Variants in DTX2 observed in about 807,000 individuals in gnomAD.
The protein encoded by DTX2 is probable E3 ubiquitin-protein ligase DTX2.
Under a neutral mutation model 55.3 loss-of-function variants are expected in DTX2, and 29 were observed. The ratio of observed to expected loss-of-function variants is 0.52; its 90% CI spans 0.39 to 0.71. The LOEUF (loss-of-function observed/expected upper bound fraction) is 0.71. DTX2 is among the 30% of genes least tolerant of loss of function. DTX2 has a pLI of 0.00. For synonymous variants in DTX2, 276 were observed against 340.4 expected, an observed-to-expected ratio of 0.81 and a Z score of 2.08; for missense variants, 537 against 822.5, an observed-to-expected ratio of 0.65 and a Z score of 4.25.
rs779455693 is a variant in DTX2 at position 76,503,433 on chromosome 7, G to A, written c.1397G>A (p.Ser466Asn). ...AMYCNGNKDG[S>N]LQCPSCKTIY... ...TGCGTCTGCCTCTGTCAGGATGGAAGTCTGCAGTGTCCCTCCTGCAAAACC... is the reference window on the plus strand; with the variant it reads ...TGCGTCTGCCTCTGTCAGGATGGAAATCTGCAGTGTCCCTCCTGCAAAACC... The change falls in exon 9 of 11, where the codon AGT becomes AAT. Residue 466 changes from serine to asparagine, a missense_variant. Transcript: ENST00000430490. The A allele has an allele frequency of 3.7e-6, 6 of 1,612,468 alleles. No homozygotes were observed. The highest frequency in any genetic ancestry group is 5.1e-6 in the Non-Finnish European group (6 of 1,179,822).
rs767019386 is a variant in DTX2 at position 76,503,402 on chromosome 7, G to C, written c.1390-24G>C. 13 of 1,608,466 alleles carry C rather than the reference G, an allele frequency of 8.1e-6. No homozygotes were observed. In the South Asian group the frequency reaches 1.4e-4, roughly 18 times the overall value. ...TGGGTGTTCTCAGACTGCCAGCTCA[G>C]TGGGTTGCGTCTGCCTCTGTCAGGA... On this transcript the variant is annotated intron_variant, in intron 8 of 10. Transcript: ENST00000430490.
chr7:76,471,392 A>G (rs1259650933), intron 2 of DTX2, among the ~76,000 whole-genome samples: 18 of 149,108 alleles, frequency 1.2e-4, no homozygotes, highest in African/African-American at 4.5e-4. Context: ...CGATCTCCTG[A>G]CCTCGTGATC....
At position 76,505,308 on chromosome 7, in the gene DTX2, C is replaced by T; in HGVS notation, c.1642-66C>T. On this transcript the variant is annotated intron_variant, in intron 10 of 10. Coordinates refer to ENST00000430490, the MANE Select transcript of DTX2 (RefSeq NM_001102594.3). This position sits in a 1 kb window ranked among gnomAD's most constrained non-coding sequence, Gnocchi z 4.4. Reference sequence around the variant, plus strand: ...GGAAGAACATGGTGCCAACCCGTGCCTGCTCACTGAGCCCCTCTCACTCTC... The same window carrying T: ...GGAAGAACATGGTGCCAACCCGTGCTTGCTCACTGAGCCCCTCTCACTCTC... 7.4e-7 allele frequency: 1 copy of T among 1,352,034 alleles called. No individual in the cohort carries two copies. Among genetic ancestry groups the T allele is most frequent in the East Asian group, 2.5e-5 (1 of 39,794 alleles). 83.8% of individuals were successfully genotyped at this position (1,352,034 alleles called of 1,614,324 possible). A position where few individuals can be genotyped will look rare whatever the true frequency, so the allele number is the denominator to read the frequency against.
At chr7:76,482,170 G>A (rs903465130) in intron 3 of DTX2, among the ~76,000 whole-genome samples, 2 of 151,364 alleles carry the variant, frequency 1.3e-5, no homozygotes, top group African/African-American at 4.9e-5. Context: ...AGTGTTAATC[G>A]GGGAATGAAA....
At chr7:76,481,574 T>TG (rs2116377040) in intron 3 of DTX2, among the ~76,000 whole-genome samples, 1 of 151,848 alleles carries the variant, frequency 6.6e-6, no homozygotes, top group African/African-American at 2.4e-5. Context: ...TGGTTGTCAC[T>TG]GGGGGTGATT....
chr7:76,483,044 G>T lies in DTX2; in HGVS notation c.805G>T (p.Ala269Ser), dbSNP rs559156215. Residue 269 changes from alanine (A) to serine (S), a missense_variant, in exon 4 of 11, where the codon GCA becomes TCA. This residue lies in a region of DTX2 where 301 missense variants were observed against 396.6 expected (regional missense o/e 0.76). Coordinates refer to ENST00000430490, the MANE Select transcript of DTX2 (RefSeq NM_001102594.3). The stretch of plus-strand genomic sequence containing the variant: ...GCTGAACACCACCAACGCCTGGGGC[G>T]CAGCTCCTCCTTCCCTGGGGAGCCA... ...PRLNTTNAWG[A>S]APPSLGSQPL... is the part of the protein sequence containing the mutation. 6.2e-7 allele frequency: 1 copy of T among 1,613,398 alleles called. No individual in the cohort carries two copies. Among genetic ancestry groups the T allele is most frequent in the South Asian group, 1.1e-5 (1 of 91,040 alleles).
At chr7:76,468,186 T>C (rs1013580149) in intron 2 of DTX2, among the ~76,000 whole-genome samples, 5 of 152,272 alleles carry the variant, frequency 3.3e-5, no homozygotes, top group African/African-American at 1.2e-4. Flanking sequence ...GCGGGTGCTG[T>C]TGGCATGCTG....
intron 7 of DTX2, chr7:76,501,428 G>A (rs1303368433): frequency 7.1e-5 from 25 of 352,480 alleles, no homozygotes; most frequent in Admixed American, 1.5e-4. Context: ...TGACTGGGCC[G>A]TTTCACCCCA....
chr7:76,504,860 G>T (rs1812165772), intron 10 of DTX2, among the ~76,000 whole-genome samples: 1 of 152,078 alleles, frequency 6.6e-6, no homozygotes, highest in Non-Finnish European at 1.5e-5. Context: ...TGGTGTGGGT[G>T]TGAAGACAGG....
intron 2 of DTX2, among the ~76,000 whole-genome samples, chr7:76,467,320 G>GC (rs1364964941): frequency 7.8e-6 from 1 of 128,802 alleles, no homozygotes; most frequent in African/African-American, 3.0e-5. Flanking sequence ...TTTGCTGTTG[G>GC]CCAAGTGAAT....
intron 2 of DTX2, chr7:76,474,549 A>C (rs1808334067): frequency 1.3e-5 from 2 of 152,184 alleles, no homozygotes. Flanking sequence ...TGAGGATTGA[A>C]GGATTAGTTG....
At chr7:76,463,171 G>C (rs1439757313) in intron 1 of DTX2, among the ~76,000 whole-genome samples, 1 of 149,966 alleles carries the variant, frequency 6.7e-6, no homozygotes, top group African/African-American at 2.5e-5. Context: ...CCAGCTACTC[G>C]GGAAGCTGAG....
Position 76,466,413 on chromosome 7 carries a change from C to CTT in DTX2, c.-90+2713_-90+2714dup, listed in dbSNP as rs61026525. On this transcript the variant is annotated intron_variant, in intron 2 of 10. Transcript: ENST00000430490. ...CATGAAACAAAAGTATATATCTAAT[C>CTT]TTTTTTTTTTAATTTTAAAAAACTT... Among the ~76,000 whole-genome samples the CTT allele has an allele frequency of 1.2e-4, 16 of 138,330 alleles. No homozygotes were observed. In the South Asian group the frequency reaches 1.2e-3, roughly 10 times the overall value. The allele number at this position is 138,330 out of a possible 152,430, so 90.7% of individuals were successfully genotyped here.
Position 76,505,655 on chromosome 7 carries a change from G to A in DTX2, c.*54G>A. ...TGGCCACCCCGCTGCCCCATGGCTG[G>A]CTGGGTGGCCAGGCAGGAAGTGCCC... is the stretch of plus-strand genomic sequence containing the variant. On this transcript the variant is annotated 3_prime_UTR_variant, in exon 11 of 11. Coordinates refer to ENST00000430490, the MANE Select transcript of DTX2 (RefSeq NM_001102594.3). This position sits in a 1 kb window ranked among gnomAD's most constrained non-coding sequence, Gnocchi z 4.4. 2.0e-6 allele frequency: 3 copies of A among 1,515,664 alleles called. No homozygotes were observed. Among genetic ancestry groups the A allele is most frequent in the Non-Finnish European group, 2.7e-6 (3 of 1,130,604 alleles). 93.9% of individuals were successfully genotyped at this position (1,515,664 alleles called of 1,614,324 possible).
intron 2 of DTX2, among the ~76,000 whole-genome samples, chr7:76,472,857 TAG>T (rs1266781372): frequency 6.6e-6 from 1 of 152,262 alleles, no homozygotes; most frequent in East Asian, 1.9e-4. Context: ...TTTTATGTAA[TAG>T]AGACAGTGCT....
intron 2 of DTX2, among the ~76,000 whole-genome samples, chr7:76,471,751 G>T (rs1156452885): frequency 6.6e-6 from 1 of 150,968 alleles, no homozygotes; most frequent in Non-Finnish European, 1.5e-5. Flanking sequence ...CCCCTACTTT[G>T]CCCTCTGGGT....
At chr7:76,491,296 ATT>A (rs565898747) in intron 4 of DTX2, among the ~76,000 whole-genome samples, 33 of 111,470 alleles carry the variant, frequency 3.0e-4, no homozygotes, top group Middle Eastern at 6.1e-3. Flanking sequence ...GCACCCAGCC[ATT>A]TTTTTTTTTT....
chr7:76,463,806 G>T (rs1475337094), intron 2 of DTX2, 97 bp downstream of exon 2: 1 of 149,576 alleles, frequency 6.7e-6, no homozygotes, highest in Non-Finnish European at 1.5e-5. Flanking sequence ...CAGGATAAAC[G>T]TGTGCCCTGG....
intron 4 of DTX2, among the ~76,000 whole-genome samples, chr7:76,483,899 T>TG (rs1563739493): frequency 6.6e-6 from 1 of 151,638 alleles, no homozygotes; most frequent in African/African-American, 2.4e-5. Flanking sequence ...ACAAAAAAAA[T>TG]TTTTTTAATT....
Sources: allele counts gnomAD v4.1 joint callset (sites outside exome capture counted in the v4.1 genomes callset), GRCh38; gene constraint gnomAD v4.1.1; regional missense constraint gnomAD v4.1.1; non-coding constraint Gnocchi (gnomAD v3.1); transcripts MANE v1.5; gene names NCBI Gene and HGNC (gene_info 2026-07-23, HGNC 2026-07-21).